The following SLIT1 variants were observed in gnomAD, a reference collection of about 807,000 sequenced individuals.
SLIT1 encodes the protein slit homolog 1 protein.
SLIT1 carries 66 observed loss-of-function variants against 186.1 expected under a neutral mutation model. The observed-to-expected ratio is 0.35, with a 90% CI of 0.29 to 0.44. SLIT1 has a LOEUF of 0.44. Among genes scored for constraint, SLIT1 ranks in the 20% least tolerant of loss-of-function variants. The pLI is 1.00. For missense variants in SLIT1, 1,638 were observed against 2,037.4 expected, an observed-to-expected ratio of 0.80 and a Z score of 3.77; for synonymous variants, 761 against 833.8, an observed-to-expected ratio of 0.91 and a Z score of 1.50.
chr10:97,062,585 G>T (rs1215891866), intron 8 of SLIT1, among the ~76,000 whole-genome samples: 1 of 152,258 alleles, frequency 6.6e-6, no homozygotes, highest in Admixed American at 6.5e-5. Flanking sequence ...GCCCTGCAGG[G>T]TGAGGAGGAG....
intron 16 of SLIT1, among the ~76,000 whole-genome samples, 193 bp downstream of exon 16, chr10:97,047,497 G>A (rs1848744294): frequency 6.6e-6 from 1 of 152,230 alleles, no homozygotes. Flanking sequence ...TGGGTGAGGG[G>A]GGCTGTGAAT....
intron 4 of SLIT1, among the ~76,000 whole-genome samples, chr10:97,125,614 G>A (rs778354937): frequency 1.1e-4 from 16 of 151,792 alleles, no homozygotes; most frequent in South Asian, 2.1e-4. Context: ...TGAGGCGGGC[G>A]GATCACCTGA....
intron 3 of SLIT1, among the ~76,000 whole-genome samples, chr10:97,162,402 G>C (rs1020695277): frequency 1.3e-5 from 2 of 152,110 alleles, no homozygotes; most frequent in Non-Finnish European, 2.9e-5. Flanking sequence ...CTGAGGTCAG[G>C]GGTTCAAGAT....
intron 4 of SLIT1, among the ~76,000 whole-genome samples, chr10:97,137,468 A>G (rs1381317785): frequency 1.3e-5 from 2 of 152,238 alleles, no homozygotes; most frequent in East Asian, 1.9e-4. Context: ...TTTGTTCCCC[A>G]TATTTTCTAC....
At position 97,023,217 on chromosome 10, in the gene SLIT1, AT is replaced by A. The variant is rs575450528; in HGVS notation, c.2583-1805del. Among the ~76,000 whole-genome samples, 1,309 of 133,384 alleles carry A rather than the reference AT, an allele frequency of 9.8e-3. 8 individuals carry two copies. The highest frequency in any genetic ancestry group is 0.027 in the Middle Eastern group (7 of 260). The allele number at this position is 133,384 out of a possible 152,430, so 87.5% of individuals were successfully genotyped here. On this transcript the variant is annotated intron_variant, in intron 25 of 36. Transcript: ENST00000266058. Reference sequence around the variant, plus strand: ...CAGCGTACACTACCACGCCCACCTAATTTTTTTTTTTTTTTTTTTGTATTTT... The same window carrying A: ...CAGCGTACACTACCACGCCCACCTAATTTTTTTTTTTTTTTTTTGTATTTT...
intron 3 of SLIT1, among the ~76,000 whole-genome samples, chr10:97,160,428 T>C (rs1317853780): frequency 6.6e-6 from 1 of 152,184 alleles, no homozygotes. Flanking sequence ...TAAAAGACGG[T>C]GGCAGACAGG....
intron 4 of SLIT1, among the ~76,000 whole-genome samples, chr10:97,152,446 G>C (rs984015677): frequency 1.1e-5 from 1 of 91,954 alleles, no homozygotes; most frequent in Non-Finnish European, 3.0e-5. Context: ...GGACTCATCT[G>C]ACATTTCCTG....
intron 1 of SLIT1, among the ~76,000 whole-genome samples, chr10:97,168,283 C>T (rs985882345): frequency 5.9e-5 from 9 of 152,010 alleles, no homozygotes; most frequent in African/African-American, 2.2e-4. Flanking sequence ...GTACTATGCA[C>T]ATTACTGAAT....
chr10:97,132,953 C>A (rs116382791), intron 4 of SLIT1, among the ~76,000 whole-genome samples: 1 of 152,114 alleles, frequency 6.6e-6, no homozygotes, highest in African/African-American at 2.4e-5. Context: ...GGATCACTGG[C>A]GGCCCCACGT....
At chr10:97,097,097 A>G (rs1021791839) in intron 4 of SLIT1, among the ~76,000 whole-genome samples, 1 of 152,140 alleles carries the variant, frequency 6.6e-6, no homozygotes, top group Non-Finnish European at 1.5e-5. Context: ...CGGGCTCCTC[A>G]CTAGCACCCG....
chr10:97,182,963 C>CA (rs1850361027), intron 1 of SLIT1, among the ~76,000 whole-genome samples: 1 of 141,870 alleles, frequency 7.0e-6, no homozygotes, highest in Non-Finnish European at 1.5e-5. Context: ...CTCATCTCTA[C>CA]AAAAAAGGAA....
Position 96,998,067 on chromosome 10 carries a change from G to A in SLIT1, c.*3045C>T, listed in dbSNP as rs1165611178. The stretch of plus-strand genomic sequence containing the variant: ...AGTGACTCAATGTCATGTTCACATG[G>A]AAGACAACAGACAATATCGACATAG... On this transcript the variant is annotated 3_prime_UTR_variant, in exon 37 of 37. Coordinates refer to ENST00000266058, the MANE Select transcript of SLIT1 (RefSeq NM_003061.3). 2.6e-5 allele frequency: 4 copies of A among 152,264 alleles called. No homozygotes were observed. The highest frequency in any genetic ancestry group is 6.5e-5 in the Admixed American group (1 of 15,288). 9.4% of individuals were successfully genotyped at this position (152,264 alleles called of 1,614,324 possible).
intron 4 of SLIT1, among the ~76,000 whole-genome samples, chr10:97,073,304 T>C (rs916003997): frequency 1.3e-5 from 2 of 152,150 alleles, no homozygotes; most frequent in East Asian, 1.9e-4. Flanking sequence ...ACCCAGTCAT[T>C]GCTGCCCGTC....
rs765481143 is a variant in SLIT1, at chr10:97,046,737, A to T, written c.1770T>A (p.Ser590=). 5.6e-6 allele frequency: 9 copies of T among 1,612,700 alleles called. No homozygotes were observed. Among genetic ancestry groups the T allele is most frequent in the Non-Finnish European group, 7.6e-6 (9 of 1,180,006 alleles). The change falls in exon 18 of 37, where the codon TCT becomes TCA. Residue 590 remains serine, a synonymous_variant. Transcript: ENST00000266058. The part of the protein sequence containing the change: ...IEDGAFEGAA[S]VSELHLTANQ... The stretch of plus-strand genomic sequence containing the variant: ...TGGCAGTTAGGTGCAGCTCGCTCAC[A>T]GAGGCTGCGCCCTCGAAGGCCCCAT...
chr10:97,109,811 G>T (rs1334692672), intron 4 of SLIT1, among the ~76,000 whole-genome samples: 1 of 152,138 alleles, frequency 6.6e-6, no homozygotes, highest in Non-Finnish European at 1.5e-5. Flanking sequence ...AAACCTCTCA[G>T]TCCCTGCCAA....
intron 28 of SLIT1, among the ~76,000 whole-genome samples, chr10:97,018,115 G>A (rs1848470172): frequency 6.6e-6 from 1 of 152,052 alleles, no homozygotes; most frequent in South Asian, 2.1e-4. Flanking sequence ...CCAAAGTGTT[G>A]GGATTACAGG....
chr10:97,002,896 T>C lies in SLIT1; in HGVS notation c.3962A>G (p.Asn1321Ser). 3.1e-6 allele frequency: 5 copies of C among 1,614,178 alleles called. No homozygotes were observed. Among genetic ancestry groups the C allele is most frequent in the Non-Finnish European group, 4.2e-6 (5 of 1,180,022 alleles). The change falls in exon 35 of 37, where the codon AAC becomes AGC. Residue 1321 changes from asparagine to serine, a missense_variant. This residue lies in a region of SLIT1 where 173 missense variants were observed against 290.9 expected (regional missense o/e 0.59). Coordinates refer to ENST00000266058, the MANE Select transcript of SLIT1 (RefSeq NM_003061.3). ...HGCIRNLYIN[N>S]ELQDFTKTQM... ...CGTCTTGGTGAAGTCCTGCAGCTCGTTGTTGATGTACAGGTTTCGGATGCA... is the reference window on the plus strand; with the variant it reads ...CGTCTTGGTGAAGTCCTGCAGCTCGCTGTTGATGTACAGGTTTCGGATGCA...
At chr10:97,067,427 C>G (rs545249928) in intron 4 of SLIT1, among the ~76,000 whole-genome samples, 1 of 152,222 alleles carries the variant, frequency 6.6e-6, no homozygotes, top group African/African-American at 2.4e-5. Context: ...ACACTCCCCC[C>G]AGGCCAGCAC....
chr10:97,123,006 T>C (rs1296000444), intron 4 of SLIT1, among the ~76,000 whole-genome samples: 1 of 152,252 alleles, frequency 6.6e-6, no homozygotes, highest in African/African-American at 2.4e-5. Flanking sequence ...AAGGGGCTAA[T>C]GTTTGTGGAG....
Sources: gnomAD v4.1 joint callset for allele counts (sites outside exome capture counted in the v4.1 genomes callset) on GRCh38, gnomAD v4.1.1 for gene constraint, gnomAD v4.1.1 regional missense constraint, MANE v1.5 for transcripts, NCBI Gene and HGNC (gene_info 2026-07-23, HGNC 2026-07-21) for gene names.